Variants in CALN1 observed in about 807,000 individuals in gnomAD.
CALN1 encodes the protein calneuron 1, also known as calcium-binding protein 8.
CALN1 carries 17 observed loss-of-function variants against 30.6 expected under a neutral mutation model. That is an observed-to-expected ratio of 0.56 (90% CI 0.38 to 0.83). The LOEUF (loss-of-function observed/expected upper bound fraction) is 0.83. CALN1 is among the 40% of genes least tolerant of loss of function. The pLI is 0.00. For missense variants in CALN1, 291 were observed against 354.9 expected, an observed-to-expected ratio of 0.82 and a Z score of 1.45; for synonymous variants, 156 against 131.4, an observed-to-expected ratio of 1.19 and a Z score of -1.28.
intron 2 of CALN1, among the ~76,000 whole-genome samples, chr7:72,284,892 T>C (rs1285887514): frequency 3.3e-5 from 5 of 152,180 alleles, no homozygotes; most frequent in East Asian, 1.9e-4. Flanking sequence ...GATAGATAGA[T>C]AGATTCTGTT....
At chr7:72,120,105 C>G (rs938182471) in intron 3 of CALN1, among the ~76,000 whole-genome samples, 1 of 151,926 alleles carries the variant, frequency 6.6e-6, no homozygotes, top group Non-Finnish European at 1.5e-5. Flanking sequence ...CCCTTGACCC[C>G]CAGTAGTCCC....
At chr7:72,319,986 T>G (rs983763654) in intron 2 of CALN1, among the ~76,000 whole-genome samples, 5 of 152,058 alleles carry the variant, frequency 3.3e-5, no homozygotes, top group African/African-American at 7.2e-5. Flanking sequence ...AAACCCAGAC[T>G]CTACTAAAAA....
chr7:72,039,588 A>C (rs1396605566), intron 4 of CALN1, among the ~76,000 whole-genome samples: 1 of 152,220 alleles, frequency 6.6e-6, no homozygotes. Flanking sequence ...TAGTAAACCT[A>C]GAGTGGGGAA....
At chr7:72,435,591 C>T (rs1257970390) in intron 1 of CALN1, among the ~76,000 whole-genome samples, 1 of 152,138 alleles carries the variant, frequency 6.6e-6, no homozygotes, top group Non-Finnish European at 1.5e-5. Context: ...GCAGCCAGCG[C>T]GGAGAGGCCA....
chr7:71,786,794 G>A lies in CALN1; in HGVS notation c.*981C>T, dbSNP rs1258607421. 1 of 152,152 alleles carries A rather than the reference G, an allele frequency of 6.6e-6. No individual in the cohort carries two copies. The highest frequency in any genetic ancestry group is 1.5e-5 in the Non-Finnish European group (1 of 68,034). 9.4% of individuals were successfully genotyped at this position (152,152 alleles called of 1,614,324 possible). On this transcript the variant is annotated 3_prime_UTR_variant, in exon 7 of 7. Coordinates refer to ENST00000395275, the MANE Select transcript of CALN1 (RefSeq NM_031468.4). Reference sequence around the variant, plus strand: ...GTGGTGGGTCTCCATGACTCCAGATGGCTGGGTGTGGGTATCAAAACCTCA... The same window carrying A: ...GTGGTGGGTCTCCATGACTCCAGATAGCTGGGTGTGGGTATCAAAACCTCA...
At chr7:71,985,422 T>A (rs191298439) in intron 5 of CALN1, among the ~76,000 whole-genome samples, 5 of 151,942 alleles carry the variant, frequency 3.3e-5, no homozygotes, top group Non-Finnish European at 7.4e-5. Flanking sequence ...GGTGGAAGGA[T>A]TGAATGAGCC....
At chr7:72,474,687 A>C in the CALN1 span, among the ~76,000 whole-genome samples, 1 of 123,974 alleles carries the variant, frequency 8.1e-6, no homozygotes, top group African/African-American at 5.2e-5. Context: ...TCTTGTCCCA[A>C]AAAAAAAAAA....
intron 5 of CALN1, among the ~76,000 whole-genome samples, chr7:71,990,037 T>A (rs1798866517): frequency 1.3e-5 from 2 of 152,184 alleles, no homozygotes; most frequent in South Asian, 4.1e-4. Context: ...CTGGGCTGCA[T>A]TCCCAGGAGG....
At chr7:71,886,893 G>A (rs1164288613) in intron 5 of CALN1, among the ~76,000 whole-genome samples, 1 of 152,102 alleles carries the variant, frequency 6.6e-6, no homozygotes, top group Non-Finnish European at 1.5e-5. Flanking sequence ...CTGGGGCACA[G>A]AGACATGCCC....
chr7:72,146,719 T>C (rs913578320), intron 3 of CALN1, among the ~76,000 whole-genome samples: 2 of 152,134 alleles, frequency 1.3e-5, no homozygotes, highest in Non-Finnish European at 1.5e-5. Context: ...CTTCAAACTA[T>C]ACTACAAGGC....
intron 3 of CALN1, among the ~76,000 whole-genome samples, chr7:72,144,075 C>A (rs1375508530): frequency 5.3e-5 from 8 of 152,134 alleles, no homozygotes; most frequent in Non-Finnish European, 1.0e-4. Context: ...AACTAACGAG[C>A]AAAATAACCA....
chr7:72,480,843 T>C, the CALN1 span, among the ~76,000 whole-genome samples: 1 of 152,246 alleles, frequency 6.6e-6, no homozygotes, highest in African/African-American at 2.4e-5. Flanking sequence ...TCATATTTTT[T>C]ATAATTCACT....
intron 4 of CALN1, among the ~76,000 whole-genome samples, chr7:72,097,988 A>T (rs918496542): frequency 1.3e-5 from 2 of 152,134 alleles, no homozygotes; most frequent in African/African-American, 4.8e-5. Flanking sequence ...TGCTGGGATT[A>T]CAGGCGTGAG....
At chr7:72,249,633 C>A (rs1268869085) in intron 3 of CALN1, among the ~76,000 whole-genome samples, 1 of 152,140 alleles carries the variant, frequency 6.6e-6, no homozygotes, top group Non-Finnish European at 1.5e-5. Flanking sequence ...AAAACCCTGT[C>A]TCTACAAAAA....
At chr7:72,191,354 C>G (rs1454292993) in intron 3 of CALN1, among the ~76,000 whole-genome samples, 1 of 151,998 alleles carries the variant, frequency 6.6e-6, no homozygotes, top group Non-Finnish European at 1.5e-5. Flanking sequence ...GTAATTTCCA[C>G]ACTTTGGGAG....
chr7:72,309,056 C>T (rs1799859569), intron 2 of CALN1, among the ~76,000 whole-genome samples: 1 of 152,212 alleles, frequency 6.6e-6, no homozygotes, highest in Admixed American at 6.5e-5. Flanking sequence ...AATTAAATAA[C>T]TGGTTCAAAA....
At chr7:72,118,553 G>C (rs145084225) in intron 3 of CALN1, among the ~76,000 whole-genome samples, 45 of 152,334 alleles carry the variant, frequency 3.0e-4, no homozygotes, top group Admixed American at 1.3e-3. Flanking sequence ...TAGCATGCCA[G>C]GTAGGTTAAA....
chr7:72,050,878 G>A (rs550352934), intron 4 of CALN1, among the ~76,000 whole-genome samples: 1 of 151,842 alleles, frequency 6.6e-6, no homozygotes, highest in Admixed American at 6.6e-5. Flanking sequence ...TATAATCCCA[G>A]CTACTTGGGA....
chr7:71,940,121 C>A (rs1796050807), intron 5 of CALN1, among the ~76,000 whole-genome samples: 1 of 152,158 alleles, frequency 6.6e-6, no homozygotes, highest in Non-Finnish European at 1.5e-5. Context: ...TGGAAGTTTA[C>A]CAGGGTTCCT....
Sources: allele counts gnomAD v4.1 joint callset (sites outside exome capture counted in the v4.1 genomes callset), GRCh38; gene constraint gnomAD v4.1.1; transcripts MANE v1.5; gene names NCBI Gene and HGNC (gene_info 2026-07-23, HGNC 2026-07-21).